Variants in SEC14L1 observed in about 807,000 individuals in gnomAD.
SEC14L1 encodes the protein SEC14 like lipid binding 1.
A neutral mutation model predicts 85.3 loss-of-function variants in SEC14L1; 48 were observed. The observed-to-expected ratio is 0.56, with a 90% CI of 0.45 to 0.72. The LOEUF is 0.72. Ranked by LOEUF, SEC14L1 falls within the 30% of genes least tolerant of loss-of-function variation. The probability of loss-of-function intolerance (pLI) is 0.00; values close to 1 mark genes in which losing one functional copy is unlikely to be tolerated. For missense variants in SEC14L1, 682 were observed against 921.4 expected, an observed-to-expected ratio of 0.74 and a Z score of 3.36; for synonymous variants, 391 against 355.5, an observed-to-expected ratio of 1.10 and a Z score of -1.12.
Position 77,194,720 on chromosome 17 carries a change from A to G in SEC14L1, c.518A>G (p.Glu173Gly), listed in dbSNP as rs188191523. Residue 173 changes from glutamate to glycine, a missense_variant, in exon 7 of 17, where the codon GAA becomes GGA. Physicochemically the swap from Glu to Gly is moderately conservative, Grantham distance 98. This residue lies in a region of SEC14L1 where 123 missense variants were observed against 100.6 expected (regional missense o/e 1.22). Transcript: ENST00000436233. Reference protein sequence around the residue: ...IEYYLRQLEEEGITFVPRWSP... With the variant: ...IEYYLRQLEEGGITFVPRWSP... ...TACTACCTTCGCCAATTAGAAGAAG[A>G]AGGCATAACCTTTGTGCCCCGTTGG... 2.1e-5 allele frequency: 34 copies of G among 1,614,198 alleles called. No individual in the cohort carries two copies. The Admixed American group carries it at 3.8e-4, about 18-fold the overall frequency.
intron 3 of SEC14L1, among the ~76,000 whole-genome samples, chr17:77,111,676 G>A (rs1285635735): frequency 1.3e-5 from 2 of 152,192 alleles, no homozygotes; most frequent in Non-Finnish European, 2.9e-5. Context: ...GGGGCCTGTA[G>A]CCCCTTTGTT....
intron 3 of SEC14L1, among the ~76,000 whole-genome samples, chr17:77,133,312 G>A (rs140061538): frequency 1.4e-4 from 21 of 152,308 alleles, no homozygotes; most frequent in Non-Finnish European, 2.8e-4. Context: ...ACCCAGCAAC[G>A]GCCCCCCTAC....
chr17:77,213,828 G>A lies in SEC14L1; in HGVS notation c.2043-90G>A. 6 of 1,491,998 alleles carry A rather than the reference G, an allele frequency of 4.0e-6. No individual in the cohort carries two copies. Among genetic ancestry groups the A allele is most frequent in the Non-Finnish European group, 4.7e-6 (5 of 1,071,964 alleles). The allele number at this position is 1,491,998 out of a possible 1,614,324, so 92.4% of individuals were successfully genotyped here. A position where few individuals can be genotyped will look rare whatever the true frequency, so the allele number is the denominator to read the frequency against. ...GGGGATGAGAAGTGAGCAGAGAACA[G>A]GGTGGGCCACGAAGTCCAGCAGGCA... On this transcript the variant is annotated intron_variant, in intron 16 of 16. Transcript: ENST00000436233. The surrounding 1 kb of genome is among the most constrained non-coding windows in gnomAD (Gnocchi z 7.1).
At chr17:77,163,390 G>C (rs1450219869) in intron 3 of SEC14L1, among the ~76,000 whole-genome samples, 2 of 714 alleles carry the variant, frequency 2.8e-3, no homozygotes, top group Non-Finnish European at 0.015. Context: ...TCTAAGACTG[G>C]TTCAGTCAGA....
At chr17:77,153,261 T>C (rs1298594779) in intron 3 of SEC14L1, among the ~76,000 whole-genome samples, 1 of 152,158 alleles carries the variant, frequency 6.6e-6, no homozygotes, top group African/African-American at 2.4e-5. Flanking sequence ...CAGATGGGGT[T>C]TCACCACGTT....
At chr17:77,211,903 G>A in intron 14 of SEC14L1, 47 bp from the exon 15 acceptor site, 1 of 1,601,892 alleles carries the variant, frequency 6.2e-7, no homozygotes, top group Non-Finnish European at 8.5e-7. Flanking sequence ...CAGCATGCCG[G>A]CCTGGTGCTC....
rs1477245309 is a variant in SEC14L1 at position 77,206,183 on chromosome 17, A to G, written c.1170-46A>G. ...GGAAGAAAATAAGACACAGTTTGCTAAGTGTGCTGTCTGTTGAATGAAACA... is the reference window on the plus strand; with the variant it reads ...GGAAGAAAATAAGACACAGTTTGCTGAGTGTGCTGTCTGTTGAATGAAACA... On this transcript the variant is annotated intron_variant, in intron 11 of 16. Transcript: ENST00000436233. This position sits in a 1 kb window ranked among gnomAD's most constrained non-coding sequence, Gnocchi z 4.3. 2 of 1,574,380 alleles carry G rather than the reference A, an allele frequency of 1.3e-6. No individual in the cohort carries two copies. The highest frequency in any genetic ancestry group is 1.1e-5 in the South Asian group (1 of 88,082).
At chr17:77,197,086 G>A (rs1044332983) in intron 8 of SEC14L1, among the ~76,000 whole-genome samples, 11 of 152,196 alleles carry the variant, frequency 7.2e-5, no homozygotes, top group African/African-American at 2.7e-4. Flanking sequence ...TTGAACCCAG[G>A]CCATTTTGTT....
intron 3 of SEC14L1, among the ~76,000 whole-genome samples, chr17:77,181,986 G>A (rs553670161): frequency 6.6e-6 from 1 of 152,178 alleles, no homozygotes; most frequent in South Asian, 2.1e-4. Flanking sequence ...AGCACTGGCA[G>A]CTTGTAGAGA....
At position 77,213,749 on chromosome 17, in the gene SEC14L1, A is replaced by C. The variant is rs1438569780; in HGVS notation, c.2043-169A>C. ...TGCCGTCTGCGTGCAGGCTGTGGGA[A>C]GCCGGTCCCCCTGGTGGGTTACTCA... On this transcript the variant is annotated intron_variant, in intron 16 of 16. Coordinates refer to ENST00000436233, the MANE Select transcript of SEC14L1 (RefSeq NM_001143998.2). This position sits in a 1 kb window ranked among gnomAD's most constrained non-coding sequence, Gnocchi z 7.1. 2 of 937,864 alleles carry C rather than the reference A, an allele frequency of 2.1e-6. No homozygotes were observed. The highest frequency in any genetic ancestry group is 2.0e-5 in the Admixed American group (1 of 50,700). 58.1% of individuals were successfully genotyped at this position (937,864 alleles called of 1,614,324 possible).
rs796749337 is a variant in SEC14L1, at chr17:77,154,097, AC to A, written c.63+10439del. 3.3e-5 allele frequency among the ~76,000 whole-genome samples: 5 copies of A among 152,268 alleles called. 1 individual carries two copies. The South Asian group carries it at 1.0e-3, about 32-fold the overall frequency. ...AAATAATACAACAATAAACTGTAAT[AC>A]AAATAAAACGCATGCAACAACTATT... On this transcript the variant is annotated intron_variant, in intron 3 of 16. Coordinates refer to ENST00000436233, the MANE Select transcript of SEC14L1 (RefSeq NM_001143998.2).
intron 3 of SEC14L1, among the ~76,000 whole-genome samples, chr17:77,114,051 T>G (rs1972111905): frequency 6.6e-6 from 1 of 152,176 alleles, no homozygotes; most frequent in African/African-American, 2.4e-5. Context: ...GGCTGCTAAA[T>G]GCGGGTGCAA....
rs1977115020 is a variant in SEC14L1 at position 77,216,630 on chromosome 17, G to A, written c.*2607G>A. 6.2e-7 allele frequency: 1 copy of A among 1,612,174 alleles called. No homozygotes were observed. Among genetic ancestry groups the A allele is most frequent in the South Asian group, 1.1e-5 (1 of 91,020 alleles). On this transcript the variant is annotated 3_prime_UTR_variant, in exon 17 of 17. Coordinates refer to ENST00000436233, the MANE Select transcript of SEC14L1 (RefSeq NM_001143998.2). ...CCCAGAGATGTTTATAGAACTGTTTGAATTGCAGCCATCCCCTGCCCCCTC... is the reference window on the plus strand; with the variant it reads ...CCCAGAGATGTTTATAGAACTGTTTAAATTGCAGCCATCCCCTGCCCCCTC...
At chr17:77,166,799 A>G (rs141777790) in intron 3 of SEC14L1, among the ~76,000 whole-genome samples, 1,975 of 152,316 alleles carry the variant, frequency 0.013, 21 homozygotes, top group Non-Finnish European at 0.019. Context: ...AGATCGTGCC[A>G]TTGCACTCCA....
intron 3 of SEC14L1, among the ~76,000 whole-genome samples, chr17:77,132,998 A>G: frequency 6.6e-6 from 1 of 152,020 alleles, no homozygotes; most frequent in East Asian, 1.9e-4. Context: ...CCTCCCGAGT[A>G]GCTGGGACCA....
Position 77,216,597 on chromosome 17 carries a change from C to G in SEC14L1, c.*2574C>G. 1 of 1,613,288 alleles carries G rather than the reference C, an allele frequency of 6.2e-7. No homozygotes were observed. The highest frequency in any genetic ancestry group is 8.5e-7 in the Non-Finnish European group (1 of 1,179,442). Reference sequence around the variant, plus strand: ...CAAGAAAATGCTTCACTCAACAGTCCTCATGTGCCCAGAGATGTTTATAGA... The same window carrying G: ...CAAGAAAATGCTTCACTCAACAGTCGTCATGTGCCCAGAGATGTTTATAGA... On this transcript the variant is annotated 3_prime_UTR_variant, in exon 17 of 17. Transcript: ENST00000436233.
chr17:77,145,713 A>G (rs1041532897), intron 3 of SEC14L1, among the ~76,000 whole-genome samples: 1 of 152,212 alleles, frequency 6.6e-6, no homozygotes, highest in Non-Finnish European at 1.5e-5. Context: ...TAGGAATCAC[A>G]CAGGAATCCG....
chr17:77,187,590 A>T (rs927546466), intron 3 of SEC14L1, among the ~76,000 whole-genome samples: 1 of 151,932 alleles, frequency 6.6e-6, no homozygotes, highest in Admixed American at 6.6e-5. Context: ...GTTGGTCAGG[A>T]TGGTCTCAAA....
intron 3 of SEC14L1, among the ~76,000 whole-genome samples, chr17:77,101,299 G>A (rs1971773248): frequency 6.6e-6 from 1 of 151,808 alleles, no homozygotes; most frequent in African/African-American, 2.4e-5. Context: ...ATTATCCTGT[G>A]CCTCCTGAGA....
Sources: gnomAD v4.1 joint callset for allele counts (sites outside exome capture counted in the v4.1 genomes callset) on GRCh38, gnomAD v4.1.1 for gene constraint, gnomAD v4.1.1 regional missense constraint, Gnocchi (gnomAD v3.1) non-coding constraint, MANE v1.5 for transcripts, NCBI Gene and HGNC (gene_info 2026-07-23, HGNC 2026-07-21) for gene names.